The following KANSL1L variants were observed in gnomAD, a reference collection of about 807,000 sequenced individuals.
KANSL1L encodes KAT8 regulatory NSL complex subunit 1-like protein.
KANSL1L carries 25 observed loss-of-function variants against 108.6 expected under a neutral mutation model. That is an observed-to-expected ratio of 0.23 (90% CI 0.17 to 0.32). The LOEUF (loss-of-function observed/expected upper bound fraction) is 0.32, where lower values mean the gene tolerates loss of function less well. Ranked by LOEUF, KANSL1L falls within the 10% of genes least tolerant of loss-of-function variation. The pLI, the probability that KANSL1L is intolerant of heterozygous loss-of-function variation, is 1.00. For missense variants in KANSL1L, 1,137 were observed against 1,125.7 expected, an observed-to-expected ratio of 1.01 and a Z score of -0.14; for synonymous variants, 405 against 395.1, an observed-to-expected ratio of 1.03 and a Z score of -0.30.
chr2:210,056,662 G>C (rs2094354631), intron 6 of KANSL1L, among the ~76,000 whole-genome samples: 1 of 152,106 alleles, frequency 6.6e-6, no homozygotes, highest in African/African-American at 2.4e-5. Context: ...TATATTTTTA[G>C]TAGAGATAGA....
intron 2 of KANSL1L, among the ~76,000 whole-genome samples, chr2:210,129,818 T>G (rs1459424320): frequency 6.6e-6 from 1 of 152,102 alleles, no homozygotes; most frequent in African/African-American, 2.4e-5. Flanking sequence ...AACCTACAGA[T>G]CACAAAGAAT....
chr2:210,054,102 G>A (rs2094322834), intron 6 of KANSL1L, among the ~76,000 whole-genome samples: 1 of 151,982 alleles, frequency 6.6e-6, no homozygotes, highest in African/African-American at 2.4e-5. Flanking sequence ...GGATCACAAG[G>A]TCAGGAGATT....
intron 1 of KANSL1L, among the ~76,000 whole-genome samples, chr2:210,163,117 A>T (rs540874463): frequency 8.0e-4 from 122 of 152,312 alleles, no homozygotes; most frequent in African/African-American, 2.9e-3. Flanking sequence ...AGAGAAAACG[A>T]CAAGGCACAC....
chr2:210,105,049 G>A (rs1559559473), intron 3 of KANSL1L, among the ~76,000 whole-genome samples: 1 of 152,100 alleles, frequency 6.6e-6, no homozygotes, highest in East Asian at 1.9e-4. Flanking sequence ...TGGTTTGCTC[G>A]GCTTTCTCCT....
chr2:210,105,795 AG>A (rs2094841701), intron 3 of KANSL1L, among the ~76,000 whole-genome samples: 1 of 152,144 alleles, frequency 6.6e-6, no homozygotes, highest in African/African-American at 2.4e-5. Flanking sequence ...TCCAAGGAGA[AG>A]GGGAGCCACT....
intron 3 of KANSL1L, among the ~76,000 whole-genome samples, chr2:210,115,310 A>G (rs1352501097): frequency 1.3e-5 from 2 of 152,182 alleles, no homozygotes; most frequent in African/African-American, 4.8e-5. Flanking sequence ...TAAGGACATT[A>G]TATATTAATA....
At chr2:210,163,793 A>G (rs1036647461) in intron 1 of KANSL1L, among the ~76,000 whole-genome samples, 1 of 152,088 alleles carries the variant, frequency 6.6e-6, no homozygotes, top group Non-Finnish European at 1.5e-5. Flanking sequence ...ACTTCATCAC[A>G]TATTTTCCCC....
chr2:210,066,276 A>G (rs2094466426), intron 6 of KANSL1L, among the ~76,000 whole-genome samples: 1 of 152,214 alleles, frequency 6.6e-6, no homozygotes, highest in Admixed American at 6.5e-5. Flanking sequence ...CCCAGTCACA[A>G]TCTTACTACA....
chr2:210,062,536 A>G (rs951896398), intron 6 of KANSL1L, among the ~76,000 whole-genome samples: 3 of 152,124 alleles, frequency 2.0e-5, no homozygotes, highest in African/African-American at 7.2e-5. Flanking sequence ...CTCCCTAGAG[A>G]TTTGTTGGAT....
chr2:210,130,853 T>G (rs1343746254), intron 2 of KANSL1L, among the ~76,000 whole-genome samples: 1 of 151,988 alleles, frequency 6.6e-6, no homozygotes, highest in Non-Finnish European at 1.5e-5. Context: ...AATTTTTTTT[T>G]TTTTTTCAAG....
intron 2 of KANSL1L, among the ~76,000 whole-genome samples, chr2:210,136,299 A>G (rs1252325298): frequency 6.6e-6 from 1 of 152,098 alleles, no homozygotes; most frequent in African/African-American, 2.4e-5. Flanking sequence ...CAAAGAAAAA[A>G]AAGAAAAAAA....
At chr2:210,035,507 TCTCA>T (rs542992558) in intron 8 of KANSL1L, among the ~76,000 whole-genome samples, 77 of 152,326 alleles carry the variant, frequency 5.1e-4, no homozygotes, top group African/African-American at 1.8e-3. Flanking sequence ...TGAGATGAAG[TCTCA>T]CTCTGTTACC....
At chr2:210,148,048 G>T (rs1000537395) in intron 2 of KANSL1L, among the ~76,000 whole-genome samples, 1 of 152,112 alleles carries the variant, frequency 6.6e-6, no homozygotes, top group Non-Finnish European at 1.5e-5. Context: ...CTGTTGAAAA[G>T]AATTCCCTTA....
rs181909353 is a variant in KANSL1L at position 210,126,924 on chromosome 2, T to C, written c.1230+2107A>G. Among the ~76,000 whole-genome samples the C allele has an allele frequency of 7.2e-5, 11 of 152,244 alleles. No homozygotes were observed. In the East Asian group the frequency reaches 2.1e-3, roughly 29 times the overall value. On this transcript the variant is annotated intron_variant, in intron 3 of 14. Coordinates refer to ENST00000281772, the MANE Select transcript of KANSL1L (RefSeq NM_152519.4). The stretch of plus-strand genomic sequence containing the variant: ...ATAATGTGATACTGGCCAGGCATAG[T>C]GGCTCATGCCTATAATCCTAGCACT...
At chr2:210,152,650 TTTTG>T (rs2125637437) in intron 2 of KANSL1L, 1 of 152,350 alleles carries the variant, frequency 6.6e-6, no homozygotes, top group Admixed American at 6.5e-5. Context: ...GACATTATAG[TTTTG>T]TTTTAGTTAT....
chr2:210,153,850 A>T lies in KANSL1L; in HGVS notation c.733T>A (p.Leu245Met), dbSNP rs1179508216. The T allele has an allele frequency of 6.2e-7, 1 of 1,612,704 alleles. No homozygotes were observed. Among genetic ancestry groups the T allele is most frequent in the Non-Finnish European group, 8.5e-7 (1 of 1,179,622 alleles). ...LSQARRTQKHLQMLLAKHVVK... is the reference protein window; with the variant it reads ...LSQARRTQKHMQMLLAKHVVK... Reference sequence around the variant, plus strand: ...ACATGCTTTGCCAGGAGCATCTGCAAATGTTTCTGAGTTCTTCTAGCCTGG... The same window carrying T: ...ACATGCTTTGCCAGGAGCATCTGCATATGTTTCTGAGTTCTTCTAGCCTGG... The change falls in exon 2 of 15, where the codon TTG becomes ATG. Residue 245 changes from leucine to methionine, a missense_variant. By Grantham distance (15) the Leu-to-Met change is conservative. This residue lies in a region of KANSL1L where 556 missense variants were observed against 537.7 expected (regional missense o/e 1.03). Transcript: ENST00000281772.
chr2:210,128,235 A>G (rs73007238), intron 3 of KANSL1L, among the ~76,000 whole-genome samples: 10 of 152,334 alleles, frequency 6.6e-5, no homozygotes, highest in Non-Finnish European at 1.3e-4. Flanking sequence ...TAAAGTTCCC[A>G]TATGATCCAG....
intron 3 of KANSL1L, among the ~76,000 whole-genome samples, chr2:210,108,873 T>C (rs1294634227): frequency 6.6e-6 from 1 of 152,200 alleles, no homozygotes; most frequent in African/African-American, 2.4e-5. Flanking sequence ...CCACCACTAA[T>C]TGCTACCAAG....
intron 6 of KANSL1L, among the ~76,000 whole-genome samples, chr2:210,053,248 T>G (rs2094312831): frequency 6.6e-6 from 1 of 152,252 alleles, no homozygotes; most frequent in African/African-American, 2.4e-5. Flanking sequence ...TGGACTGTTT[T>G]GTCTTTTCAA....
Sources: gnomAD v4.1 joint callset for allele counts (sites outside exome capture counted in the v4.1 genomes callset) on GRCh38, gnomAD v4.1.1 for gene constraint, gnomAD v4.1.1 regional missense constraint, MANE v1.5 for transcripts, NCBI Gene and HGNC (gene_info 2026-07-23, HGNC 2026-07-21) for gene names.